Variants in WARS2 observed in about 807,000 individuals in gnomAD.
The protein encoded by WARS2 is tryptophanyl tRNA synthetase 2, mitochondrial, also known as tryptophan--tRNA ligase, mitochondrial.
WARS2 carries 28 observed loss-of-function variants against 36.5 expected under a neutral mutation model. That is an observed-to-expected ratio of 0.77 (90% CI 0.57 to 1.05). The LOEUF is 1.05. Among genes scored for constraint, WARS2 ranks in the 50% least tolerant of loss-of-function variants. WARS2 has a pLI of 0.00. For synonymous variants in WARS2, 174 were observed against 178.4 expected (o/e 0.98, Z 0.20); for missense variants, 435 against 456.8 (o/e 0.95, Z 0.44).
chr1:119,132,247 C>T (rs587680524), intron 1 of WARS2, among the ~76,000 whole-genome samples: 1 of 152,288 alleles, frequency 6.6e-6, no homozygotes, highest in African/African-American at 2.4e-5. Context: ...CCCCCACTTC[C>T]TCTTAATGAA....
At chr1:119,059,436 T>C (rs1650186140) in intron 2 of WARS2, among the ~76,000 whole-genome samples, 1 of 152,180 alleles carries the variant, frequency 6.6e-6, no homozygotes, top group Non-Finnish European at 1.5e-5. Context: ...TTTATGGTTT[T>C]AGGTCTAACG....
Position 119,094,882 on chromosome 1 carries a change from A to G in WARS2, c.91-18275T>C, listed in dbSNP as rs1324888221. Reference sequence around the variant, plus strand: ...CTTGTACGTAATAAATAACTTTAGGAAAAAAAAAGAGAGAAAAATTCAAAT... The same window carrying G: ...CTTGTACGTAATAAATAACTTTAGGGAAAAAAAAGAGAGAAAAATTCAAAT... On this transcript the variant is annotated intron_variant, in intron 1 of 5. Transcript: ENST00000235521. Among the ~76,000 whole-genome samples, 5 of 151,644 alleles carry G rather than the reference A, an allele frequency of 3.3e-5. No individual in the cohort carries two copies. The South Asian group carries it at 6.3e-4, about 19-fold the overall frequency.
At chr1:119,036,478 T>C (rs1647895426) in intron 4 of WARS2, among the ~76,000 whole-genome samples, 3 of 152,196 alleles carry the variant, frequency 2.0e-5, no homozygotes, top group South Asian at 2.1e-4. Flanking sequence ...CTTGTAATTA[T>C]AGTGAGGCTG....
chr1:119,055,482 G>C (rs1027194016), intron 2 of WARS2, among the ~76,000 whole-genome samples: 1 of 151,984 alleles, frequency 6.6e-6, no homozygotes, highest in Non-Finnish European at 1.5e-5. Context: ...AGGCATGGTG[G>C]TACAAAAAGG....
rs1370759242 is a variant in WARS2, at chr1:119,032,981, C to G, written c.1013G>C (p.Gly338Ala). Residue 338 changes from glycine to alanine, a missense_variant, in exon 6 of 6, where the codon GGA (glycine) becomes GCA (alanine). Coordinates refer to ENST00000235521, the MANE Select transcript of WARS2 (RefSeq NM_015836.4). ...TGCTAATTCTTTGGCTTTTGCTGAT[C>G]CAATTTGTAAAACCTTCTCTAAATG... ...KDHLEKVLQI[G>A]SAKAKELAYT... 1 of 1,614,224 alleles carries G rather than the reference C, an allele frequency of 6.2e-7. No homozygotes were observed. The highest frequency in any genetic ancestry group is 1.3e-5 in the African/African-American group (1 of 75,058).
At chr1:119,051,583 G>A (rs1392558030) in intron 2 of WARS2, among the ~76,000 whole-genome samples, 1 of 151,968 alleles carries the variant, frequency 6.6e-6, no homozygotes, top group East Asian at 1.9e-4. Context: ...TCGAATGGTA[G>A]TCCTGTTTTT....
chr1:119,129,592 C>T (rs587713026), intron 1 of WARS2, among the ~76,000 whole-genome samples: 16 of 152,016 alleles, frequency 1.1e-4, no homozygotes, highest in Non-Finnish European at 8.8e-5. Flanking sequence ...TGCCTGTAGC[C>T]CCAGCTACGC....
chr1:119,086,664 G>T (rs1325943301), intron 1 of WARS2, among the ~76,000 whole-genome samples: 3 of 152,150 alleles, frequency 2.0e-5, no homozygotes, highest in Admixed American at 1.3e-4. Flanking sequence ...TGTTGAAATT[G>T]AAACTGTCTT....
chr1:119,124,742 C>A (rs963122630), intron 1 of WARS2, among the ~76,000 whole-genome samples: 3 of 152,102 alleles, frequency 2.0e-5, no homozygotes, highest in Admixed American at 6.6e-5. Flanking sequence ...TCAGGTTATT[C>A]TCCCACACAA....
At chr1:119,045,440 T>C in intron 3 of WARS2, 142 bp downstream of exon 3, 1 of 671,144 alleles carries the variant, frequency 1.5e-6, no homozygotes, top group African/African-American at 1.8e-5. Context: ...TTTAATACCC[T>C]GAAGCAGGGA....
chr1:119,062,666 T>A (rs1044079058), intron 2 of WARS2, among the ~76,000 whole-genome samples: 1 of 152,142 alleles, frequency 6.6e-6, no homozygotes, highest in Admixed American at 6.6e-5. Context: ...GTGTTTCCCA[T>A]GCTATTCTCA....
chr1:119,090,252 T>C (rs1390581500), intron 1 of WARS2, among the ~76,000 whole-genome samples: 1 of 152,168 alleles, frequency 6.6e-6, no homozygotes, highest in Non-Finnish European at 1.5e-5. Context: ...TCCTGTTAAG[T>C]ACTGAGAATT....
intron 2 of WARS2, among the ~76,000 whole-genome samples, chr1:119,060,029 C>T (rs1316015231): frequency 6.6e-6 from 1 of 152,178 alleles, no homozygotes; most frequent in East Asian, 1.9e-4. Flanking sequence ...GTACACCAAA[C>T]CCCCAAGACA....
intron 2 of WARS2, among the ~76,000 whole-genome samples, chr1:119,049,390 T>G (rs1649145689): frequency 6.6e-6 from 1 of 152,218 alleles, no homozygotes; most frequent in Non-Finnish European, 1.5e-5. Flanking sequence ...ACCTGACTTC[T>G]TAATTGCTGA....
At chr1:119,105,463 A>G (rs982947367) in intron 1 of WARS2, among the ~76,000 whole-genome samples, 4 of 152,152 alleles carry the variant, frequency 2.6e-5, no homozygotes, top group African/African-American at 9.7e-5. Context: ...TCACTGAGGG[A>G]AACTGTGTGG....
intron 1 of WARS2, among the ~76,000 whole-genome samples, chr1:119,105,072 G>A (rs1654139439): frequency 3.3e-5 from 5 of 152,192 alleles, no homozygotes. Context: ...GAGGTAAGCA[G>A]CAGCAGTGGA....
intron 2 of WARS2, among the ~76,000 whole-genome samples, chr1:119,061,815 T>C (rs571088393): frequency 6.6e-6 from 1 of 152,236 alleles, no homozygotes; most frequent in East Asian, 1.9e-4. Context: ...ACTCTGACTC[T>C]GGATCAACAA....
intron 2 of WARS2, among the ~76,000 whole-genome samples, chr1:119,055,436 A>C (rs1557946055): frequency 6.6e-6 from 1 of 152,126 alleles, no homozygotes; most frequent in Non-Finnish European, 1.5e-5. Context: ...AACATGGCAA[A>C]ACCCCATCTC....
intron 1 of WARS2, among the ~76,000 whole-genome samples, chr1:119,137,084 T>A (rs760351424): frequency 2.6e-5 from 4 of 152,188 alleles, no homozygotes; most frequent in Non-Finnish European, 5.9e-5. Context: ...CTGGATTTGA[T>A]CTTGGACTAA....
Sources: gnomAD v4.1 joint callset for allele counts (sites outside exome capture counted in the v4.1 genomes callset) on GRCh38, gnomAD v4.1.1 for gene constraint, MANE v1.5 for transcripts, NCBI Gene and HGNC (gene_info 2026-07-23, HGNC 2026-07-21) for gene names.